DSCAML1: variants seen among roughly 807,000 people sequenced by gnomAD.
The protein encoded by DSCAML1 is cell adhesion molecule DSCAML1.
A neutral mutation model predicts 200.5 loss-of-function variants in DSCAML1; 38 were observed. That is an observed-to-expected ratio of 0.19 (90% CI 0.15 to 0.25). DSCAML1 has a LOEUF of 0.25. DSCAML1 is among the 10% of genes least tolerant of loss of function. The probability of loss-of-function intolerance (pLI) is 1.00; values close to 1 mark genes in which losing one functional copy is unlikely to be tolerated. For missense variants in DSCAML1, 2,223 were observed against 2,858.8 expected (o/e 0.78, Z 5.07); for synonymous variants, 1,215 against 1,165.0 (o/e 1.04, Z -0.87).
At chr11:117,532,139 A>AG (rs1846328315) in intron 4 of DSCAML1, among the ~76,000 whole-genome samples, 1 of 147,530 alleles carries the variant, frequency 6.8e-6, no homozygotes, top group Admixed American at 6.8e-5. Context: ...GACAAAAAAA[A>AG]AAGGAAAAAA....
At chr11:117,479,806 G>A (rs1264053571) in intron 14 of DSCAML1, among the ~76,000 whole-genome samples, 6 of 152,090 alleles carry the variant, frequency 3.9e-5, no homozygotes, top group East Asian at 3.9e-4. Context: ...GTGCCACCAC[G>A]CCTGGCTAAT....
At chr11:117,466,767 G>A (rs2048588454) in intron 16 of DSCAML1, among the ~76,000 whole-genome samples, 1 of 152,218 alleles carries the variant, frequency 6.6e-6, no homozygotes, top group Non-Finnish European at 1.5e-5. Context: ...AGCTCTGGAA[G>A]TGCTAGTGGT....
In DSCAML1 at chr11:117,481,138, G is replaced by A. The variant is rs750564; in HGVS notation, c.2656+36C>T. ...TAGCGGTGGGCCCCTGGGCCCTGGGGAGGTGGGATGGGAAGGGTGGGGCAG... is the reference window on the plus strand; with the variant it reads ...TAGCGGTGGGCCCCTGGGCCCTGGGAAGGTGGGATGGGAAGGGTGGGGCAG... On this transcript the variant is annotated intron_variant, in intron 13 of 32. Transcript: ENST00000651296. 3.1e-6 allele frequency: 5 copies of A among 1,601,086 alleles called. No homozygotes were observed. In the East Asian group the frequency reaches 8.9e-5, roughly 29 times the overall value.
chr11:117,781,289 T>C (rs2055256372), intron 1 of DSCAML1, among the ~76,000 whole-genome samples: 1 of 106,266 alleles, frequency 9.4e-6, no homozygotes, highest in Admixed American at 1.1e-4. Flanking sequence ...AGACTCTGTC[T>C]CGAAAAAAAA....
At chr11:117,810,674 C>T (rs2055753570) in intron 1 of DSCAML1, among the ~76,000 whole-genome samples, 1 of 152,206 alleles carries the variant, frequency 6.6e-6, no homozygotes, top group Admixed American at 6.5e-5. Flanking sequence ...TGCAATGCCG[C>T]TTGACCCCAA....
chr11:117,527,386 C>T (rs183443168), intron 4 of DSCAML1, among the ~76,000 whole-genome samples: 8 of 152,150 alleles, frequency 5.3e-5, no homozygotes, highest in Admixed American at 2.6e-4. Flanking sequence ...CCTGGAAGAC[C>T]GAGCTCCTCA....
At chr11:117,444,608 A>G (rs140113327) in intron 20 of DSCAML1, among the ~76,000 whole-genome samples, 1 of 152,278 alleles carries the variant, frequency 6.6e-6, no homozygotes, top group African/African-American at 2.4e-5. Flanking sequence ...CACTTTATTA[A>G]TGATTATTAG....
intron 3 of DSCAML1, among the ~76,000 whole-genome samples, chr11:117,683,661 G>A (rs752647257): frequency 1.3e-5 from 2 of 152,168 alleles, no homozygotes; most frequent in African/African-American, 4.8e-5. Flanking sequence ...CGGGCCAAAT[G>A]CCTGGGCTCA....
intron 3 of DSCAML1, among the ~76,000 whole-genome samples, chr11:117,688,950 A>G (rs932579677): frequency 1.3e-5 from 2 of 152,184 alleles, no homozygotes; most frequent in African/African-American, 2.4e-5. Context: ...CCTACTGGCT[A>G]TCATTGAGGA....
rs375458537 is a variant in DSCAML1, at chr11:117,804,941, A to AT, written c.-250+12448dup. Among the ~76,000 whole-genome samples, 192 of 149,152 alleles carry AT rather than the reference A, an allele frequency of 1.3e-3. 1 individual carries two copies. Among genetic ancestry groups the AT allele is most frequent in the Admixed American group, 0.012 (181 of 14,918 alleles). ...CTCTGTCTCATAAAAGAAAAAAAAA[A>AT]TCTCTCTTAAAACAGAATAGACTCA... is the stretch of plus-strand genomic sequence containing the variant. On this transcript the variant is annotated intron_variant, in intron 1 of 2. Coordinates refer to the DSCAML1 transcript ENST00000525836.
At chr11:117,788,349 C>T (rs560291371) in intron 1 of DSCAML1, among the ~76,000 whole-genome samples, 16 of 152,218 alleles carry the variant, frequency 1.1e-4, no homozygotes, top group South Asian at 2.1e-4. Context: ...TGTTTTGAGA[C>T]GGAGTCTGGC....
intron 3 of DSCAML1, among the ~76,000 whole-genome samples, chr11:117,629,750 G>A (rs2052132195): frequency 6.6e-6 from 1 of 152,156 alleles, no homozygotes. Flanking sequence ...TAATCCCAGA[G>A]CTTTAAGAGG....
chr11:117,741,165 CT>C (rs1201911661), intron 3 of DSCAML1, among the ~76,000 whole-genome samples: 1 of 152,220 alleles, frequency 6.6e-6, no homozygotes, highest in African/African-American at 2.4e-5. Flanking sequence ...GGAGTTGTTG[CT>C]GTAAAGCAGC....
At position 117,463,994 on chromosome 11, in the gene DSCAML1, C is replaced by G. The variant is rs1483111246; in HGVS notation, c.3265+948G>C. The stretch of plus-strand genomic sequence containing the variant: ...TGTGTCCACCATCCCCAGGGTGCTG[C>G]ATTTTCAGAGAGGATGAGCTAGGAG... On this transcript the variant is annotated intron_variant, in intron 17 of 32. Coordinates refer to ENST00000651296, the MANE Select transcript of DSCAML1 (RefSeq NM_020693.4). This position sits in a 1 kb window ranked among gnomAD's most constrained non-coding sequence, Gnocchi z 4.0. Among the ~76,000 whole-genome samples, 2 of 152,204 alleles carry G rather than the reference C, an allele frequency of 1.3e-5. No homozygotes were observed. The highest frequency in any genetic ancestry group is 4.1e-4 in the South Asian group (2 of 4,830).
chr11:117,681,326 C>T (rs918377679), intron 3 of DSCAML1, among the ~76,000 whole-genome samples: 1 of 152,166 alleles, frequency 6.6e-6, no homozygotes, highest in Non-Finnish European at 1.5e-5. Context: ...CCTGGGCCCA[C>T]AAACTCAAAA....
At chr11:117,769,539 T>TTTTATATATATTA (rs1555030211) in intron 3 of DSCAML1, among the ~76,000 whole-genome samples, 1 of 70,032 alleles carries the variant, frequency 1.4e-5, no homozygotes, top group Non-Finnish European at 2.4e-5. Flanking sequence ...TTTATATATA[T>TTTTATATATATTA]TATATATTTT....
At chr11:117,486,987 C>A (rs1205891931) in intron 11 of DSCAML1, among the ~76,000 whole-genome samples, 1 of 120,036 alleles carries the variant, frequency 8.3e-6, no homozygotes, top group Non-Finnish European at 1.6e-5. Context: ...TGCAGTGGTA[C>A]AATTTTGGCT....
At chr11:117,543,067 G>GCCACC (rs2050301849) in intron 3 of DSCAML1, among the ~76,000 whole-genome samples, 1 of 152,330 alleles carries the variant, frequency 6.6e-6, no homozygotes, top group East Asian at 1.9e-4. Context: ...AGGTGGGTGG[G>GCCACC]CAAATGGTGA....
In DSCAML1 at chr11:117,600,391, T is replaced by G. The variant is rs567520405; in HGVS notation, c.512-67869A>C. Among the ~76,000 whole-genome samples the G allele has an allele frequency of 3.2e-3, 489 of 152,222 alleles. 1 individual carries two copies. Among genetic ancestry groups the G allele is most frequent in the Non-Finnish European group, 4.3e-3 (291 of 68,016 alleles). On this transcript the variant is annotated intron_variant, in intron 3 of 32. Coordinates refer to ENST00000651296, the MANE Select transcript of DSCAML1 (RefSeq NM_020693.4). ...TGGGATGCATAAAGGGATTTACGGT[T>G]GTAGAGCCGAATCTCACTCTGGATC...
Sources: allele counts gnomAD v4.1 joint callset (sites outside exome capture counted in the v4.1 genomes callset), GRCh38; gene constraint gnomAD v4.1.1; non-coding constraint Gnocchi (gnomAD v3.1); transcripts MANE v1.5; gene names NCBI Gene and HGNC (gene_info 2026-07-23, HGNC 2026-07-21).